CSMD1: variants seen among roughly 807,000 people sequenced by gnomAD.
The protein encoded by CSMD1 is CUB and Sushi multiple domains 1, also known as CUB and sushi domain-containing protein 1.
In CSMD1, 213 loss-of-function variants were observed where a neutral mutation model predicts 417.5. That is an observed-to-expected ratio of 0.51 (90% CI 0.46 to 0.57). The LOEUF (loss-of-function observed/expected upper bound fraction) is 0.57. Ranked by LOEUF, CSMD1 falls within the 20% of genes least tolerant of loss-of-function variation. CSMD1 has a pLI of 0.00. For missense variants in CSMD1, 6,923 were observed against 4,529.7 expected (o/e 1.53, Z -15.17); for synonymous variants, 2,862 against 1,736.8 (o/e 1.65, Z -16.11).
At chr8:4,884,765 G>C (rs1342696156) in intron 1 of CSMD1, among the ~76,000 whole-genome samples, 1 of 151,982 alleles carries the variant, frequency 6.6e-6, no homozygotes, top group African/African-American at 2.4e-5. Context: ...CTGTCTTATT[G>C]CGGTAGCTTT....
chr8:4,060,045 T>A (rs1191841798), intron 3 of CSMD1, among the ~76,000 whole-genome samples: 1 of 152,170 alleles, frequency 6.6e-6, no homozygotes, highest in African/African-American at 2.4e-5. Flanking sequence ...AAATCCTCAA[T>A]AAAATACTGG....
At chr8:4,446,226 G>A (rs62481015) in intron 2 of CSMD1, among the ~76,000 whole-genome samples, 1 of 152,166 alleles carries the variant, frequency 6.6e-6, no homozygotes, top group African/African-American at 2.4e-5. Context: ...TCTATTTCTA[G>A]GATACCTTTG....
At chr8:4,714,103 C>T (rs1226207991) in intron 1 of CSMD1, among the ~76,000 whole-genome samples, 3 of 152,062 alleles carry the variant, frequency 2.0e-5, no homozygotes, top group Non-Finnish European at 4.4e-5. Context: ...CAAGATCATG[C>T]CATTGCACTC....
intron 2 of CSMD1, among the ~76,000 whole-genome samples, chr8:4,449,521 G>T (rs1799005936): frequency 6.6e-6 from 1 of 152,024 alleles, no homozygotes; most frequent in African/African-American, 2.4e-5. Flanking sequence ...TTGTCTTTAG[G>T]CTGTGTCTGT....
rs1002230607 is a variant in CSMD1 at position 3,214,579 on chromosome 8, C to T, written c.4785G>A (p.Lys1595=). Residue 1595 remains lysine (K), a synonymous_variant, in exon 30 of 70, where the codon AAG becomes AAA. Coordinates refer to ENST00000635120, the MANE Select transcript of CSMD1 (RefSeq NM_033225.6). ...TITYQCDSGY[K]ILDPSSITCV... ...AGGTGATGGATGAGGGGTCAAGAAT[C>T]TTATAGCCAGAGTCACACTGGTAGG... 2.5e-6 allele frequency: 4 copies of T among 1,581,572 alleles called. No homozygotes were observed. The African/African-American group carries it at 5.4e-5, about 21-fold the overall frequency.
At chr8:4,423,620 A>G (rs1797375782) in intron 2 of CSMD1, among the ~76,000 whole-genome samples, 2 of 152,188 alleles carry the variant, frequency 1.3e-5, no homozygotes, top group South Asian at 2.1e-4. Context: ...ATGTAAAGAT[A>G]TAGGTTACTT....
intron 5 of CSMD1, among the ~76,000 whole-genome samples, chr8:3,983,085 T>C (rs112605019): frequency 6.6e-6 from 1 of 151,582 alleles, no homozygotes; most frequent in East Asian, 1.9e-4. Context: ...GAGCCTCTAA[T>C]GATGTAAAAC....
intron 49 of CSMD1, among the ~76,000 whole-genome samples, chr8:3,083,284 T>A (rs1448242452): frequency 6.6e-6 from 1 of 152,028 alleles, no homozygotes; most frequent in Admixed American, 6.6e-5. Context: ...TCTCTGCTTG[T>A]AAATTAAAAT....
At chr8:4,187,159 G>A (rs1434215961) in intron 3 of CSMD1, among the ~76,000 whole-genome samples, 1 of 151,872 alleles carries the variant, frequency 6.6e-6, no homozygotes, top group African/African-American at 2.4e-5. Flanking sequence ...ACTGCTTGTA[G>A]TATTAAAAAT....
At chr8:4,353,516 G>T (rs1240014752) in intron 3 of CSMD1, among the ~76,000 whole-genome samples, 2 of 151,960 alleles carry the variant, frequency 1.3e-5, no homozygotes, top group African/African-American at 2.4e-5. Context: ...CACTGCATAT[G>T]ATCTCAATAT....
At chr8:3,291,865 C>G (rs1034981453) in intron 25 of CSMD1, among the ~76,000 whole-genome samples, 1 of 151,978 alleles carries the variant, frequency 6.6e-6, no homozygotes, top group African/African-American at 2.4e-5. Flanking sequence ...TTGCCTTCTG[C>G]TAGCTTTTGA....
intron 10 of CSMD1, among the ~76,000 whole-genome samples, chr8:3,500,103 G>T (rs1796535450): frequency 6.6e-6 from 1 of 152,002 alleles, no homozygotes. Flanking sequence ...TCCTTTTTTG[G>T]CACTGAACGG....
chr8:3,313,138 A>G (rs1037188486), intron 23 of CSMD1, among the ~76,000 whole-genome samples: 2 of 152,242 alleles, frequency 1.3e-5, no homozygotes, highest in Admixed American at 1.3e-4. Context: ...TTAAAGACTT[A>G]AATGTTAGAC....
chr8:3,048,266 T>G (rs1208850359), intron 50 of CSMD1, among the ~76,000 whole-genome samples: 1 of 152,100 alleles, frequency 6.6e-6, no homozygotes, highest in Non-Finnish European at 1.5e-5. Context: ...TTTAATTAAT[T>G]TTACAAATTA....
intron 17 of CSMD1, among the ~76,000 whole-genome samples, chr8:3,392,599 G>C (rs913293070): frequency 6.6e-6 from 1 of 151,970 alleles, no homozygotes; most frequent in Non-Finnish European, 1.5e-5. Context: ...CCTGGAGCCC[G>C]GGATCTGCGT....
intron 3 of CSMD1, among the ~76,000 whole-genome samples, chr8:4,161,351 A>G (rs1797149934): frequency 1.3e-5 from 2 of 152,242 alleles, no homozygotes; most frequent in Non-Finnish European, 2.9e-5. Flanking sequence ...GGTCTCTTTG[A>G]CTGTAAAAAT....
chr8:3,680,187 G>C (rs528355841), intron 7 of CSMD1, among the ~76,000 whole-genome samples: 2 of 152,174 alleles, frequency 1.3e-5, no homozygotes, highest in African/African-American at 4.8e-5. Flanking sequence ...ACTCAGATCA[G>C]AGCAGAAATG....
intron 1 of CSMD1, among the ~76,000 whole-genome samples, chr8:4,736,635 C>T (rs1810264496): frequency 6.6e-6 from 1 of 152,044 alleles, no homozygotes; most frequent in African/African-American, 2.4e-5. Flanking sequence ...GCAGTGACAC[C>T]TAATTATCAA....
chr8:4,535,269 A>G (rs1055899874), intron 2 of CSMD1, among the ~76,000 whole-genome samples: 1 of 152,196 alleles, frequency 6.6e-6, no homozygotes, highest in Non-Finnish European at 1.5e-5. Context: ...ATTTAATTTT[A>G]ACCAAAATCA....
Sources: allele counts gnomAD v4.1 joint callset (sites outside exome capture counted in the v4.1 genomes callset), GRCh38; gene constraint gnomAD v4.1.1; transcripts MANE v1.5; gene names NCBI Gene and HGNC (gene_info 2026-07-23, HGNC 2026-07-21).